MYT1L: variants seen among roughly 807,000 people sequenced by gnomAD.
MYT1L encodes myelin transcription factor 1 like, also known as myelin transcription factor 1-like protein.
In MYT1L, 12 loss-of-function variants were observed where a neutral mutation model predicts 126.7. The ratio of observed to expected loss-of-function variants is 0.09; its 90% CI spans 0.06 to 0.15. MYT1L has a LOEUF of 0.15. Ranked by LOEUF, MYT1L falls within the 10% of genes least tolerant of loss-of-function variation. The probability of loss-of-function intolerance (pLI) is 1.00; values close to 1 mark genes in which losing one functional copy is unlikely to be tolerated. For missense variants in MYT1L, 979 were observed against 1,585.2 expected (o/e 0.62, Z 6.49); for synonymous variants, 541 against 604.2 (o/e 0.90, Z 1.53).
intron 2 of MYT1L, among the ~76,000 whole-genome samples, chr2:2,236,109 C>T (rs989773237): frequency 7.9e-5 from 12 of 151,758 alleles, no homozygotes; most frequent in African/African-American, 2.9e-4. Flanking sequence ...CAACCCAGTA[C>T]ATCCCAACCC....
intron 4 of MYT1L, among the ~76,000 whole-genome samples, chr2:2,003,396 A>G (rs1015633448): frequency 6.6e-6 from 1 of 152,120 alleles, no homozygotes; most frequent in African/African-American, 2.4e-5. Flanking sequence ...CCAGGCCCCC[A>G]GTCCAGGTTT....
intron 2 of MYT1L, among the ~76,000 whole-genome samples, chr2:2,202,571 GGAA>G (rs1242686095): frequency 1.3e-5 from 2 of 152,134 alleles, no homozygotes; most frequent in Non-Finnish European, 2.9e-5. Flanking sequence ...GACTAAACCA[GGAA>G]GAAGTTGAAT....
intron 2 of MYT1L, among the ~76,000 whole-genome samples, chr2:2,174,838 T>G (rs2090529516): frequency 6.6e-6 from 1 of 152,082 alleles, no homozygotes; most frequent in Non-Finnish European, 1.5e-5. Flanking sequence ...GTGTGAACAT[T>G]TGTTGAGTGA....
At chr2:2,040,304 T>G (rs778040079) in intron 4 of MYT1L, among the ~76,000 whole-genome samples, 12 of 152,320 alleles carry the variant, frequency 7.9e-5, no homozygotes, top group Admixed American at 1.3e-4. Context: ...GTACATGCAA[T>G]GTACATATCC....
chr2:1,851,981 A>G (rs1277630852), intron 18 of MYT1L, among the ~76,000 whole-genome samples: 1 of 152,122 alleles, frequency 6.6e-6, no homozygotes, highest in African/African-American at 2.4e-5. Flanking sequence ...TAGAACCTGT[A>G]TTCCCTCCTA....
intron 2 of MYT1L, among the ~76,000 whole-genome samples, chr2:2,226,275 C>T (rs1264742448): frequency 2.0e-5 from 3 of 152,164 alleles, no homozygotes; most frequent in African/African-American, 7.2e-5. Flanking sequence ...GGCTTTTCAA[C>T]ATCGTATCAG....
intron 3 of MYT1L, among the ~76,000 whole-genome samples, chr2:2,091,817 G>T (rs1189554181): frequency 2.6e-5 from 4 of 152,192 alleles, no homozygotes; most frequent in Non-Finnish European, 4.4e-5. Context: ...ATGTTACAGA[G>T]ATGACTTCTT....
chr2:2,010,714 G>A (rs768218092), intron 4 of MYT1L, among the ~76,000 whole-genome samples: 17 of 152,110 alleles, frequency 1.1e-4, no homozygotes, highest in Admixed American at 3.3e-4. Flanking sequence ...CACACCCACA[G>A]CTAACATCAT....
chr2:2,243,371 T>C (rs1451768900), intron 2 of MYT1L, among the ~76,000 whole-genome samples: 2 of 152,212 alleles, frequency 1.3e-5, no homozygotes, highest in Non-Finnish European at 2.9e-5. Flanking sequence ...TACAAACTTA[T>C]CTCTCAAGGT....
chr2:1,868,456 GAAGA>G (rs145949719), intron 18 of MYT1L, among the ~76,000 whole-genome samples: 10,932 of 152,264 alleles, frequency 0.072, 457 homozygotes, highest in African/African-American at 0.096. Flanking sequence ...AGGAAGGAAG[GAAGA>G]AACCCTTGAT....
chr2:2,229,715 T>C (rs1446822807), intron 2 of MYT1L, among the ~76,000 whole-genome samples: 1 of 152,128 alleles, frequency 6.6e-6, no homozygotes, highest in Non-Finnish European at 1.5e-5. Context: ...ATTCTATGTA[T>C]ATGTATGTAT....
chr2:2,176,784 T>C (rs1021872320), intron 2 of MYT1L, among the ~76,000 whole-genome samples: 1 of 152,082 alleles, frequency 6.6e-6, no homozygotes, highest in African/African-American at 2.4e-5. Flanking sequence ...CAGGCATGAA[T>C]CACCATGCCT....
At chr2:2,305,165 C>T (rs2095842733) in intron 1 of MYT1L, among the ~76,000 whole-genome samples, 1 of 152,140 alleles carries the variant, frequency 6.6e-6, no homozygotes, top group Non-Finnish European at 1.5e-5. Context: ...ACACTTACAT[C>T]ACAAATCTCT....
chr2:1,857,910 T>C (rs1238047237), intron 18 of MYT1L, among the ~76,000 whole-genome samples: 1 of 152,088 alleles, frequency 6.6e-6, no homozygotes, highest in Non-Finnish European at 1.5e-5. Flanking sequence ...TTGCCCAGGC[T>C]GGAGTACAGT....
At chr2:1,915,901 G>C (rs768884069) in intron 11 of MYT1L, among the ~76,000 whole-genome samples, 15 of 152,302 alleles carry the variant, frequency 9.8e-5, no homozygotes, top group Non-Finnish European at 1.3e-4. Context: ...GAAAGGGGGG[G>C]TGTTGCCCTG....
chr2:2,264,720 G>A (rs1234594691), intron 2 of MYT1L, among the ~76,000 whole-genome samples: 1 of 152,194 alleles, frequency 6.6e-6, no homozygotes, highest in Admixed American at 6.5e-5. Flanking sequence ...TTGAACGTCA[G>A]TGGAAGGTCA....
At chr2:2,196,859 T>A (rs915147835) in intron 2 of MYT1L, among the ~76,000 whole-genome samples, 7 of 151,960 alleles carry the variant, frequency 4.6e-5, no homozygotes, top group Non-Finnish European at 1.0e-4. Context: ...CCATTAATAA[T>A]TACATTGAGA....
intron 21 of MYT1L, among the ~76,000 whole-genome samples, chr2:1,823,840 T>C (rs1409224248): frequency 6.6e-6 from 1 of 152,238 alleles, no homozygotes; most frequent in Admixed American, 6.5e-5. Context: ...CAAATTTACA[T>C]TTATATTTAC....
At chr2:2,245,443 T>G (rs2094516916) in intron 2 of MYT1L, among the ~76,000 whole-genome samples, 1 of 152,078 alleles carries the variant, frequency 6.6e-6, no homozygotes, top group African/African-American at 2.4e-5. Context: ...TTAATCAAGC[T>G]TTGAGGCTTG....
Sources: allele counts gnomAD v4.1 joint callset (sites outside exome capture counted in the v4.1 genomes callset), GRCh38; gene constraint gnomAD v4.1.1; transcripts MANE v1.5; gene names NCBI Gene and HGNC (gene_info 2026-07-23, HGNC 2026-07-21).